Variants in TAF15 observed in about 807,000 individuals in gnomAD.
The protein encoded by TAF15 is TATA-box binding protein associated factor 15.
A neutral mutation model predicts 102.5 loss-of-function variants in TAF15; 37 were observed. The observed-to-expected ratio is 0.36, with a 90% CI of 0.28 to 0.47. TAF15 has a LOEUF of 0.47. Among genes scored for constraint, TAF15 ranks in the 20% least tolerant of loss-of-function variants. The pLI is 0.99. For synonymous variants in TAF15, 273 were observed against 259.2 expected (o/e 1.05, Z -0.51); for missense variants, 652 against 760.7 (o/e 0.86, Z 1.68).
At chr17:35,812,394 C>T (rs1010686374) in intron 1 of TAF15, among the ~76,000 whole-genome samples, 3 of 151,692 alleles carry the variant, frequency 2.0e-5, no homozygotes, top group Non-Finnish European at 4.4e-5. Flanking sequence ...GTCGAGAGTT[C>T]GAGACCAGCT....
At chr17:35,840,213 C>T (rs1351740530) in intron 11 of TAF15, among the ~76,000 whole-genome samples, 1 of 151,164 alleles carries the variant, frequency 6.6e-6, no homozygotes, top group Non-Finnish European at 1.5e-5. Flanking sequence ...ATTATTGTAC[C>T]TCCATCTTCC....
intron 12 of TAF15, 92 bp downstream of exon 12, chr17:35,842,551 C>A: frequency 2.0e-6 from 2 of 990,488 alleles, no homozygotes; most frequent in Non-Finnish European, 3.2e-6. Context: ...CTTGCTACTG[C>A]TTTTTCTCTC....
At chr17:35,823,861 G>A (rs2087294102) in intron 6 of TAF15, 2 of 630,534 alleles carry the variant, frequency 3.2e-6, no homozygotes, top group African/African-American at 3.6e-5. Flanking sequence ...ATACATTACT[G>A]TTTTGCCATG....
chr17:35,844,407 C>T (rs2087584515), intron 14 of TAF15, 39 bp downstream of exon 14: 3 of 1,612,614 alleles, frequency 1.9e-6, no homozygotes, highest in East Asian at 2.2e-5. Flanking sequence ...TCGTGCTTAT[C>T]TTCTGACTAG....
chr17:35,838,110 G>A (rs2087498231), intron 10 of TAF15, among the ~76,000 whole-genome samples: 1 of 151,908 alleles, frequency 6.6e-6, no homozygotes, highest in African/African-American at 2.4e-5. Flanking sequence ...TTAAGTCCAG[G>A]AATTTGAGGC....
chr17:35,834,068 T>A (rs2143801964), intron 8 of TAF15, 127 bp downstream of exon 8: 2 of 705,372 alleles, frequency 2.8e-6, no homozygotes, highest in South Asian at 2.1e-5. Context: ...TTGTGTGCTT[T>A]AAAAAAAATT....
In TAF15 at chr17:35,822,696, A is replaced by G; in HGVS notation, c.347A>G (p.Tyr116Cys). The change falls in exon 6 of 16, where the codon TAT (tyrosine) becomes TGT (cysteine). Residue 116 changes from tyrosine (Y) to cysteine (C), a missense_variant. Tyr to Cys is a radical substitution (Grantham distance 194, BLOSUM62 -2). Around this residue, in one of 3 missense-constraint regions of TAF15, gnomAD observed 243 missense variants for 284.1 expected, o/e 0.86. Transcript: ENST00000605844. ...DQPDYGQQDS[Y>C]DQQSGYDQHQ... ...CCAGACTATGGTCAACAAGATTCAT[A>G]TGACCAGCAGTCAGGCTATGATCAA... The G allele has an allele frequency of 6.2e-7, 1 of 1,614,212 alleles. No homozygotes were observed. The highest frequency in any genetic ancestry group is 8.5e-7 in the Non-Finnish European group (1 of 1,180,028).
intron 8 of TAF15, 180 bp from the exon 9 acceptor site, chr17:35,834,386 T>C: frequency 1.6e-6 from 1 of 619,926 alleles, no homozygotes; most frequent in African/African-American, 1.8e-5. Flanking sequence ...ACATTCATCT[T>C]GATTTCCTAA....
rs536154247 is a variant in TAF15, at chr17:35,825,026, T to G, written c.605+828T>G. ...AGGCTAAAAGGTAATTTATGTTCCT[T>G]GGGAATTGAAATGGTCAGTGGCCCG... On this transcript the variant is annotated intron_variant, in intron 7 of 15. Coordinates refer to ENST00000605844, the MANE Select transcript of TAF15 (RefSeq NM_139215.3). 3.6e-4 allele frequency among the ~76,000 whole-genome samples: 55 copies of G among 152,344 alleles called. 1 individual carries two copies. The highest frequency in any genetic ancestry group is 1.3e-3 in the African/African-American group (54 of 41,578).
At chr17:35,841,697 T>C (rs2087548476) in intron 11 of TAF15, among the ~76,000 whole-genome samples, 2 of 135,568 alleles carry the variant, frequency 1.5e-5, no homozygotes, top group African/African-American at 5.5e-5. Context: ...CACGCCCAGC[T>C]TTTTTTTTTT....
chr17:35,815,376 A>G (rs2087183100), intron 1 of TAF15, among the ~76,000 whole-genome samples: 1 of 152,230 alleles, frequency 6.6e-6, no homozygotes, highest in Admixed American at 6.5e-5. Context: ...CCTGCACTTT[A>G]TCACTCAAGG....
intron 8 of TAF15, chr17:35,834,220 G>A (rs1598540981): frequency 5.2e-6 from 2 of 381,586 alleles, no homozygotes; most frequent in African/African-American, 4.2e-5. Flanking sequence ...ACCTTCACTG[G>A]ATTTTGACAA....
intron 11 of TAF15, among the ~76,000 whole-genome samples, chr17:35,840,247 C>CTTT (rs370455465): frequency 5.7e-4 from 68 of 119,382 alleles, no homozygotes; most frequent in African/African-American, 9.8e-4. Context: ...CGTTATTTTC[C>CTTT]TTTTTTTTTT....
rs144954918 is a variant in TAF15 at position 35,844,515 on chromosome 17, A to G, written c.1216A>G (p.Arg406Gly). 1.9e-4 allele frequency: 302 copies of G among 1,610,568 alleles called. 1 individual carries two copies. The highest frequency in any genetic ancestry group is 1.4e-5 in the Non-Finnish European group (17 of 1,178,200). ...GRGYGGERGY[R>G]GRGGRGGDRG... Reference sequence around the variant, plus strand: ...AGGCTACGGTGGAGAGAGGGGCTACAGAGGTCGTGGGGGCAGAGGTGGAGA... The same window carrying G: ...AGGCTACGGTGGAGAGAGGGGCTACGGAGGTCGTGGGGGCAGAGGTGGAGA... The change falls in exon 15 of 16, where the codon AGA becomes GGA. Residue 406 changes from arginine (R) to glycine (G), a missense_variant. This residue lies in a region of TAF15 where 368 missense variants were observed against 367.5 expected (regional missense o/e 1.00). Transcript: ENST00000605844.
chr17:35,828,456 G>C (rs1044122374), intron 7 of TAF15, among the ~76,000 whole-genome samples: 9 of 152,224 alleles, frequency 5.9e-5, no homozygotes, highest in African/African-American at 2.2e-4. Context: ...TCTTTTTGTT[G>C]GTCATGATGG....
intron 7 of TAF15, among the ~76,000 whole-genome samples, chr17:35,824,677 AT>A (rs1251140459): frequency 6.6e-6 from 1 of 152,338 alleles, no homozygotes; most frequent in South Asian, 2.1e-4. Context: ...GAAAGATTTA[AT>A]GTAACAAAAC....
intron 11 of TAF15, among the ~76,000 whole-genome samples, chr17:35,839,370 C>CT (rs562461506): frequency 0.089 from 4,683 of 52,354 alleles, 2,010 homozygotes; most frequent in Non-Finnish European, 0.12. Flanking sequence ...AAGAAATAGA[C>CT]TTTTTTTTTT....
At chr17:35,816,815 C>CCTTTTTT (rs2087200944) in intron 1 of TAF15, 1 of 57,430 alleles carries the variant, frequency 1.7e-5, no homozygotes, top group Admixed American at 2.2e-4. Context: ...CCCACCCCCA[C>CCTTTTTT]TTTTTTTTTT....
chr17:35,824,063 T>C lies in TAF15; in HGVS notation c.485-15T>C. On this transcript the variant is annotated splice_polypyrimidine_tract_variant and intron_variant, in intron 6 of 15. Transcript: ENST00000605844. ...TGAGAGTGGTTATTTGTGTGTAATA[T>C]TTTCTTTTTTGTAGATGACCGTCGT... The C allele has an allele frequency of 2.5e-6, 4 of 1,614,088 alleles. No individual in the cohort carries two copies. The highest frequency in any genetic ancestry group is 3.4e-6 in the Non-Finnish European group (4 of 1,179,998).
Sources: allele counts gnomAD v4.1 joint callset (sites outside exome capture counted in the v4.1 genomes callset), GRCh38; gene constraint gnomAD v4.1.1; regional missense constraint gnomAD v4.1.1; transcripts MANE v1.5; gene names NCBI Gene and HGNC (gene_info 2026-07-23, HGNC 2026-07-21).